Variants in TMEM117 observed in about 807,000 individuals in gnomAD.
The protein encoded by TMEM117 is transmembrane protein 117.
Under a neutral mutation model 52.4 loss-of-function variants are expected in TMEM117, and 27 were observed. The ratio of observed to expected loss-of-function variants is 0.51; its 90% CI spans 0.38 to 0.71. The LOEUF (loss-of-function observed/expected upper bound fraction) is 0.71, where lower values mean the gene tolerates loss of function less well. Ranked by LOEUF, TMEM117 falls within the 30% of genes least tolerant of loss-of-function variation. The pLI is 0.00. For synonymous variants in TMEM117, 215 were observed against 206.3 expected, an observed-to-expected ratio of 1.04 and a Z score of -0.36; for missense variants, 556 against 630.5, an observed-to-expected ratio of 0.88 and a Z score of 1.26.
intron 3 of TMEM117, among the ~76,000 whole-genome samples, chr12:44,093,761 G>A (rs1454747528): frequency 3.2e-5 from 4 of 125,160 alleles, no homozygotes; most frequent in South Asian, 4.4e-4. Context: ...GGACAGAGGT[G>A]GAATGTGAGA....
downstream of TMEM117, among the ~76,000 whole-genome samples, chr12:44,390,139 T>TG (rs1194918806): frequency 6.6e-6 from 1 of 151,994 alleles, no homozygotes; most frequent in Admixed American, 6.6e-5. Context: ...ACCATGCCCC[T>TG]GCTGTTACTT....
chr12:44,161,723 A>T (rs1907689), intron 4 of TMEM117, among the ~76,000 whole-genome samples: 26,416 of 152,098 alleles, frequency 0.17, 3,436 homozygotes, highest in East Asian at 0.54. Context: ...TATTATTACC[A>T]TATGATAATT....
At position 43,843,623 on chromosome 12, in the gene TMEM117, C is replaced by A. The variant is rs1209962511; in HGVS notation, c.-28-1001C>A. Among the ~76,000 whole-genome samples, 6 of 152,234 alleles carry A rather than the reference C, an allele frequency of 3.9e-5. No individual in the cohort carries two copies. In the East Asian group the frequency reaches 1.2e-3, roughly 29 times the overall value. On this transcript the variant is annotated intron_variant, in intron 1 of 7. Coordinates refer to ENST00000266534, the MANE Select transcript of TMEM117 (RefSeq NM_032256.3). ...CTCTGTGCCTTTGGATGTGCCGTAG[C>A]CACTGCCTAGAGTGGCTTGCCTTCT...
At chr12:43,871,721 A>T (rs1675775) in intron 2 of TMEM117, among the ~76,000 whole-genome samples, 120,561 of 151,934 alleles carry the variant, frequency 0.79, 50,348 homozygotes, top group East Asian at 0.94. Context: ...TTTTGTTAAG[A>T]GATGTATGCT....
At chr12:44,371,078 A>C (rs1951857974) in intron 6 of TMEM117, among the ~76,000 whole-genome samples, 1 of 152,160 alleles carries the variant, frequency 6.6e-6, no homozygotes, top group Admixed American at 6.5e-5. Context: ...GAAATCAGGC[A>C]CTCAGGTTTC....
chr12:43,918,668 C>G (rs1347975261), intron 2 of TMEM117, among the ~76,000 whole-genome samples: 1 of 152,194 alleles, frequency 6.6e-6, no homozygotes, highest in East Asian at 1.9e-4. Flanking sequence ...ACAGACGCTT[C>G]CAGTGGGTCT....
chr12:43,882,879 A>G (rs1165150164), intron 2 of TMEM117, among the ~76,000 whole-genome samples: 1 of 152,240 alleles, frequency 6.6e-6, no homozygotes, highest in East Asian at 1.9e-4. Flanking sequence ...AAGATTAACG[A>G]TAAAGATGTT....
At chr12:44,048,649 T>C (rs932915834) in intron 3 of TMEM117, among the ~76,000 whole-genome samples, 1 of 152,190 alleles carries the variant, frequency 6.6e-6, no homozygotes, top group Non-Finnish European at 1.5e-5. Flanking sequence ...ATAGTATATG[T>C]TTCAGAGTAT....
At chr12:44,384,205 C>T (rs1212700237) in intron 7 of TMEM117, among the ~76,000 whole-genome samples, 1 of 152,098 alleles carries the variant, frequency 6.6e-6, no homozygotes, top group African/African-American at 2.4e-5. Flanking sequence ...AACATCCTTC[C>T]TCTGTAAACA....
At chr12:44,032,127 G>A (rs1946642646) in intron 3 of TMEM117, among the ~76,000 whole-genome samples, 1 of 152,130 alleles carries the variant, frequency 6.6e-6, no homozygotes, top group African/African-American at 2.4e-5. Context: ...CTTTAAAAAA[G>A]TCTTAATTGA....
downstream of TMEM117, among the ~76,000 whole-genome samples, chr12:44,393,430 T>C (rs1471083177): frequency 6.6e-6 from 1 of 152,204 alleles, no homozygotes; most frequent in African/African-American, 2.4e-5. Context: ...AAAATAAATA[T>C]TCCATTCAAT....
intron 3 of TMEM117, among the ~76,000 whole-genome samples, chr12:44,108,226 C>G (rs934773324): frequency 5.3e-5 from 8 of 150,934 alleles, no homozygotes; most frequent in African/African-American, 2.0e-4. Flanking sequence ...TTATTATACT[C>G]TAAGTTTTAG....
rs1414576779 is a variant in TMEM117 at position 43,894,424 on chromosome 12, A to G, written c.277+49496A>G. ...ATTTAACTTTTAAGTTTGGGGGTAC[A>G]TATGCAGGATGTGCATGTTTGTTAC... On this transcript the variant is annotated intron_variant, in intron 2 of 7. Transcript: ENST00000266534. Among the ~76,000 whole-genome samples the G allele has an allele frequency of 2.0e-5, 3 of 151,808 alleles. No homozygotes were observed. In the East Asian group the frequency reaches 5.8e-4, roughly 29 times the overall value.
chr12:44,061,202 TGTG>T (rs2137954536), intron 3 of TMEM117, among the ~76,000 whole-genome samples: 1 of 152,252 alleles, frequency 6.6e-6, no homozygotes, highest in South Asian at 2.1e-4. Flanking sequence ...GGAGAAATTT[TGTG>T]GTGTGAAAAA....
intron 3 of TMEM117, among the ~76,000 whole-genome samples, chr12:44,115,678 A>T (rs930340251): frequency 1.3e-5 from 2 of 152,124 alleles, no homozygotes; most frequent in African/African-American, 4.8e-5. Flanking sequence ...GTCTGCATTC[A>T]TTATAGTCAT....
chr12:44,256,518 A>C (rs1312325893), intron 5 of TMEM117, among the ~76,000 whole-genome samples: 1 of 152,028 alleles, frequency 6.6e-6, no homozygotes, highest in Admixed American at 6.6e-5. Flanking sequence ...TAATACATGG[A>C]TATTTCATGT....
At chr12:43,832,229 G>A (rs929548990), upstream of TMEM117, among the ~76,000 whole-genome samples, 12 of 152,212 alleles carry the variant, frequency 7.9e-5, no homozygotes, top group Admixed American at 5.2e-4. Context: ...CCTGGCTACT[G>A]GGCCAATTGA....
chr12:44,060,015 A>G (rs1455231517), intron 3 of TMEM117, among the ~76,000 whole-genome samples: 1 of 152,184 alleles, frequency 6.6e-6, no homozygotes. Flanking sequence ...GGGAATTTGG[A>G]ACAAAAAATG....
chr12:43,959,075 G>A lies in TMEM117; in HGVS notation c.410+14733G>A, dbSNP rs543571810. On this transcript the variant is annotated intron_variant, in intron 3 of 7. Coordinates refer to ENST00000266534, the MANE Select transcript of TMEM117 (RefSeq NM_032256.3). Reference sequence around the variant, plus strand: ...GCCCGCCTTGGCCTCCCAAAGTGCTGGCATTACAGGCGTGAGCCACCGCGC... The same window carrying A: ...GCCCGCCTTGGCCTCCCAAAGTGCTAGCATTACAGGCGTGAGCCACCGCGC... Among the ~76,000 whole-genome samples, 24 of 152,280 alleles carry A rather than the reference G, an allele frequency of 1.6e-4. 1 individual carries two copies. The South Asian group carries it at 4.8e-3, about 30-fold the overall frequency.
Sources: allele counts gnomAD v4.1 joint callset (sites outside exome capture counted in the v4.1 genomes callset), GRCh38; gene constraint gnomAD v4.1.1; transcripts MANE v1.5; gene names NCBI Gene and HGNC (gene_info 2026-07-23, HGNC 2026-07-21).